Variants in WDFY2 observed in about 807,000 individuals in gnomAD.
The protein encoded by WDFY2 is WD repeat and FYVE domain containing 2.
A neutral mutation model predicts 56.4 loss-of-function variants in WDFY2; 36 were observed. That is an observed-to-expected ratio of 0.64 (90% CI 0.49 to 0.84). WDFY2 has a LOEUF of 0.84. Among genes scored for constraint, WDFY2 ranks in the 40% least tolerant of loss-of-function variants. The pLI, the probability that WDFY2 is intolerant of heterozygous loss-of-function variation, is 0.00. For missense variants in WDFY2, 444 were observed against 512.2 expected (o/e 0.87, Z 1.29); for synonymous variants, 176 against 183.7 (o/e 0.96, Z 0.34).
chr13:51,605,155 A>G (rs1954361199), intron 1 of WDFY2, among the ~76,000 whole-genome samples: 1 of 152,204 alleles, frequency 6.6e-6, no homozygotes, highest in Middle Eastern at 3.2e-3. Flanking sequence ...TTGGAAAGAG[A>G]TGGGTGCTCA....
At chr13:51,693,747 T>C (rs1250801164) in intron 3 of WDFY2, among the ~76,000 whole-genome samples, 2 of 152,084 alleles carry the variant, frequency 1.3e-5, no homozygotes. Context: ...TTGTTAACTT[T>C]CTGTCTCGTT....
intron 1 of WDFY2, among the ~76,000 whole-genome samples, chr13:51,641,745 G>T (rs1231654014): frequency 3.6e-5 from 5 of 138,746 alleles, no homozygotes; most frequent in African/African-American, 1.3e-4. Context: ...AGAATGACGT[G>T]AACCCGGGAG....
chr13:51,751,329 T>G lies in WDFY2; in HGVS notation c.745T>G (p.Ser249Ala). 7 of 1,613,768 alleles carry G rather than the reference T, an allele frequency of 4.3e-6. No individual in the cohort carries two copies. Among genetic ancestry groups the G allele is most frequent in the Non-Finnish European group, 5.9e-6 (7 of 1,179,804 alleles). The change falls in exon 8 of 12, where the codon TCC becomes GCC. Residue 249 changes from serine (S) to alanine (A), a missense_variant. Transcript: ENST00000298125. ...TCACAGCGACAGAGTCCAGGCCCTC[T>G]CCTATGCACAGCACACGCGACAATT... ...QGHNDRVQAL[S>A]YAQHTRQLIS...
intron 3 of WDFY2, among the ~76,000 whole-genome samples, chr13:51,692,901 C>A (rs1401250841): frequency 6.6e-6 from 1 of 152,176 alleles, no homozygotes; most frequent in Non-Finnish European, 1.5e-5. Flanking sequence ...AGAGATTCAA[C>A]TTCTTCCTGG....
At chr13:51,723,476 T>C (rs1303272625) in intron 5 of WDFY2, among the ~76,000 whole-genome samples, 1 of 152,216 alleles carries the variant, frequency 6.6e-6, no homozygotes, top group Non-Finnish European at 1.5e-5. Flanking sequence ...TTTTTTTTAA[T>C]GCCACCGCCT....
chr13:51,737,927 A>G (rs1952878080), intron 6 of WDFY2, among the ~76,000 whole-genome samples: 1 of 152,244 alleles, frequency 6.6e-6, no homozygotes, highest in Admixed American at 6.5e-5. Context: ...GCTAGGAAGC[A>G]TAATCCAGAA....
intron 1 of WDFY2, among the ~76,000 whole-genome samples, chr13:51,606,532 A>G (rs948993348): frequency 1.3e-5 from 2 of 152,148 alleles, no homozygotes; most frequent in Non-Finnish European, 2.9e-5. Context: ...CAGTGTGGAA[A>G]ATTTACCTTT....
At chr13:51,637,088 T>A (rs1955068997) in intron 1 of WDFY2, among the ~76,000 whole-genome samples, 1 of 152,228 alleles carries the variant, frequency 6.6e-6, no homozygotes, top group East Asian at 1.9e-4. Flanking sequence ...AAGGACTGCC[T>A]GGCACTATAA....
At chr13:51,641,602 G>A (rs921490998) in intron 1 of WDFY2, among the ~76,000 whole-genome samples, 3 of 150,392 alleles carry the variant, frequency 2.0e-5, no homozygotes, top group African/African-American at 2.4e-5. Context: ...CGAGGCGGGC[G>A]GATCACGAGG....
chr13:51,648,305 C>G (rs972205139), intron 1 of WDFY2, among the ~76,000 whole-genome samples: 1 of 152,170 alleles, frequency 6.6e-6, no homozygotes, highest in African/African-American at 2.4e-5. Flanking sequence ...TCCTTGCTGC[C>G]TTTTTGCACT....
At chr13:51,716,986 C>T (rs1952368036) in intron 4 of WDFY2, among the ~76,000 whole-genome samples, 2 of 152,044 alleles carry the variant, frequency 1.3e-5, no homozygotes. Context: ...CAGTTCATTA[C>T]AAAATATTCC....
rs1165243434 is a variant in WDFY2 at position 51,760,367 on chromosome 13, T to G, written c.*598T>G. ...GCTGCTGGAATTGCCTGAAGAGCGATTTGTTTGTAATGTCTGCCTCATTCA... is the reference window on the plus strand; with the variant it reads ...GCTGCTGGAATTGCCTGAAGAGCGAGTTGTTTGTAATGTCTGCCTCATTCA... On this transcript the variant is annotated 3_prime_UTR_variant, in exon 12 of 12. Transcript: ENST00000298125. 6.6e-6 allele frequency: 1 copy of G among 152,222 alleles called. No individual in the cohort carries two copies. Among genetic ancestry groups the G allele is most frequent in the Non-Finnish European group, 1.5e-5 (1 of 68,056 alleles). The allele number at this position is 152,222 out of a possible 1,614,324, so 9.4% of individuals were successfully genotyped here. A position where few individuals can be genotyped will look rare whatever the true frequency, so the allele number is the denominator to read the frequency against.
At position 51,745,738 on chromosome 13, in the gene WDFY2, T is replaced by TAA. The variant is rs34880965; in HGVS notation, c.726-5546_726-5545dup. Among the ~76,000 whole-genome samples the TAA allele has an allele frequency of 2.3e-3, 196 of 86,328 alleles. 4 individuals carry two copies. The highest frequency in any genetic ancestry group is 8.4e-3 in the African/African-American group (189 of 22,414). 56.6% of individuals were successfully genotyped at this position (86,328 alleles called of 152,430 possible). ...ATAATCTCAGTGATTATCCTTCATT[T>TAA]AAAAAAAAAAAAAAAAAAAAAAAAA... On this transcript the variant is annotated intron_variant, in intron 7 of 11. Transcript: ENST00000298125.
chr13:51,742,281 T>C (rs1362711720), intron 7 of WDFY2, among the ~76,000 whole-genome samples: 1 of 152,204 alleles, frequency 6.6e-6, no homozygotes, highest in East Asian at 1.9e-4. Flanking sequence ...AAGAAAGTGA[T>C]TGATGACAGT....
intron 1 of WDFY2, chr13:51,586,717 A>G (rs1339903617): frequency 1.3e-5 from 2 of 152,200 alleles, no homozygotes; most frequent in South Asian, 4.1e-4. Flanking sequence ...AAGAAATGCA[A>G]TGTTCAGCTA....
chr13:51,633,143 C>T (rs1017097865), intron 1 of WDFY2, among the ~76,000 whole-genome samples: 1 of 152,164 alleles, frequency 6.6e-6, no homozygotes, highest in Non-Finnish European at 1.5e-5. Context: ...GTTTCCCTTC[C>T]CCCTGAATAG....
intron 3 of WDFY2, among the ~76,000 whole-genome samples, chr13:51,699,655 G>A (rs1189079466): frequency 2.0e-5 from 3 of 152,096 alleles, no homozygotes; most frequent in African/African-American, 7.2e-5. Context: ...CATCAGTTTG[G>A]CAAAAATTGA....
intron 3 of WDFY2, among the ~76,000 whole-genome samples, chr13:51,681,981 T>C (rs1190209405): frequency 1.3e-5 from 2 of 152,210 alleles, no homozygotes; most frequent in African/African-American, 4.8e-5. Flanking sequence ...CAGTCGTGAA[T>C]GCAGATACCA....
chr13:51,755,867 T>G (rs1374829901), intron 9 of WDFY2, among the ~76,000 whole-genome samples: 1 of 152,218 alleles, frequency 6.6e-6, no homozygotes, highest in African/African-American at 2.4e-5. Context: ...TCAATCTGAT[T>G]CCATGGTTCT....
Sources: allele counts gnomAD v4.1 joint callset (sites outside exome capture counted in the v4.1 genomes callset), GRCh38; gene constraint gnomAD v4.1.1; transcripts MANE v1.5; gene names NCBI Gene and HGNC (gene_info 2026-07-23, HGNC 2026-07-21).